C19orf38: variants seen among roughly 807,000 people sequenced by gnomAD.
C19orf38 encodes the protein chromosome 19 open reading frame 38.
C19orf38 carries 14 observed loss-of-function variants against 26.6 expected under a neutral mutation model. The ratio of observed to expected loss-of-function variants is 0.53; its 90% CI spans 0.35 to 0.82. C19orf38 has a LOEUF of 0.82. Ranked by LOEUF, C19orf38 falls within the 40% of genes least tolerant of loss-of-function variation. C19orf38 has a pLI of 0.01. For missense variants in C19orf38, 261 were observed against 299.5 expected, an observed-to-expected ratio of 0.87 and a Z score of 0.95; for synonymous variants, 132 against 128.5, an observed-to-expected ratio of 1.03 and a Z score of -0.18.
Position 10,839,377 on chromosome 19 carries a change from G to A in C19orf38, c.-69+2607G>A, listed in dbSNP as rs182332027. On this transcript the variant is annotated intron_variant, in intron 1 of 7. Coordinates refer to the C19orf38 transcript ENST00000592854. Reference sequence around the variant, plus strand: ...TCTATGTTTGCAGCTTGAGTTTTCAGGCTGCTATTTATTAGAAAAGAAATG... The same window carrying A: ...TCTATGTTTGCAGCTTGAGTTTTCAAGCTGCTATTTATTAGAAAAGAAATG... Among the ~76,000 whole-genome samples the A allele has an allele frequency of 9.8e-5, 15 of 152,298 alleles. No homozygotes were observed. In the East Asian group the frequency reaches 2.9e-3, roughly 29 times the overall value.
intron 5 of C19orf38, among the ~76,000 whole-genome samples, chr19:10,862,410 G>A (rs1034993039): frequency 2.0e-5 from 3 of 151,846 alleles, no homozygotes; most frequent in African/African-American, 7.3e-5. Flanking sequence ...AAATTATGTT[G>A]CCCAGGCTGG....
rs575168918 is a variant in C19orf38, at chr19:10,865,271, C to T, written c.543+2064C>T. Among the ~76,000 whole-genome samples the T allele has an allele frequency of 7.9e-5, 12 of 152,178 alleles. No individual in the cohort carries two copies. In the East Asian group the frequency reaches 1.8e-3, roughly 22 times the overall value. ...AAGCGATTCTCCTGCCTCAGCTTCC[C>T]GAGTAGCTGGGATTACAGGCGCCTG... On this transcript the variant is annotated intron_variant, in intron 6 of 6. Transcript: ENST00000397820.
At chr19:10,851,727 G>A (rs1431296945) in intron 2 of C19orf38, among the ~76,000 whole-genome samples, 2 of 151,928 alleles carry the variant, frequency 1.3e-5, no homozygotes, top group Non-Finnish European at 1.5e-5. Context: ...CCAGCACTTT[G>A]GGAGGCCGAG....
rs1313644922 is a variant in C19orf38, at chr19:10,856,345, G to C, written c.421G>C (p.Val141Leu). ...LLAGLVAVALVVRKVKLRNLQ... is the reference protein window; with the variant it reads ...LLAGLVAVALLVRKVKLRNLQ... ...TGCTGGGCTGGTGGCTGTTGCCCTGGTGGTCAGAAAAGGTAACAGCACGCA... is the reference window on the plus strand; with the variant it reads ...TGCTGGGCTGGTGGCTGTTGCCCTGCTGGTCAGAAAAGGTAACAGCACGCA... Residue 141 changes from valine (V) to leucine (L), a missense_variant, in exon 3 of 7, where the codon GTG becomes CTG. Val to Leu is a conservative substitution (Grantham distance 32). Coordinates refer to ENST00000397820, the MANE Select transcript of C19orf38 (RefSeq NM_001136482.3). 1.3e-6 allele frequency: 2 copies of C among 1,551,116 alleles called. No individual in the cohort carries two copies. Among genetic ancestry groups the C allele is most frequent in the Admixed American group, 3.9e-5 (2 of 50,978 alleles).
intron 3 of C19orf38, among the ~76,000 whole-genome samples, chr19:10,857,893 A>AG (rs2073646038): frequency 3.6e-5 from 4 of 109,708 alleles, no homozygotes; most frequent in South Asian, 3.1e-4. Flanking sequence ...AAAACAACAA[A>AG]AAAAGAAAGA....
chr19:10,853,970 T>C (rs1023972695), intron 2 of C19orf38, among the ~76,000 whole-genome samples: 2 of 151,204 alleles, frequency 1.3e-5, no homozygotes, highest in African/African-American at 4.9e-5. Flanking sequence ...GGTGGATCAC[T>C]TAAGCCGGGG....
intron 5 of C19orf38, among the ~76,000 whole-genome samples, chr19:10,861,644 C>G (rs991414790): frequency 1.3e-5 from 2 of 152,018 alleles, no homozygotes; most frequent in African/African-American, 2.4e-5. Flanking sequence ...GTGGCACGAT[C>G]TCAGCTTACT....
chr19:10,842,070 T>C (rs1316684627), intron 1 of C19orf38: 11 of 1,601,308 alleles, frequency 6.9e-6, no homozygotes, highest in South Asian at 6.6e-5. Context: ...AGTGGAATTA[T>C]TGGACAGTAT....
chr19:10,861,738 C>T (rs868599565), intron 5 of C19orf38, among the ~76,000 whole-genome samples: 1 of 151,888 alleles, frequency 6.6e-6, no homozygotes, highest in Non-Finnish European at 1.5e-5. Context: ...CCACCATGCC[C>T]GGCTAATTTT....
At chr19:10,862,552 G>A (rs1056849412) in intron 5 of C19orf38, among the ~76,000 whole-genome samples, 3 of 152,024 alleles carry the variant, frequency 2.0e-5, no homozygotes, top group African/African-American at 4.8e-5. Flanking sequence ...AATGGAGGCC[G>A]GGTGTGGTGG....
upstream of C19orf38, among the ~76,000 whole-genome samples, chr19:10,845,122 A>C (rs1344994698): frequency 6.6e-6 from 1 of 151,362 alleles, no homozygotes; most frequent in East Asian, 1.9e-4. Context: ...ATACCACTGC[A>C]CTCCAGCAGC....
At chr19:10,850,746 C>G (rs1027102532) in intron 2 of C19orf38, among the ~76,000 whole-genome samples, 179 bp downstream of exon 2, 1 of 152,182 alleles carries the variant, frequency 6.6e-6, no homozygotes, top group Admixed American at 6.6e-5. Flanking sequence ...TGTTGGTTCA[C>G]TGAGCTTAAG....
chr19:10,862,665 A>G (rs960734384), intron 5 of C19orf38, among the ~76,000 whole-genome samples: 5 of 152,054 alleles, frequency 3.3e-5, no homozygotes, highest in Admixed American at 3.3e-4. Context: ...CCCTATCTCT[A>G]CTAAGAATAT....
intron 6 of C19orf38, among the ~76,000 whole-genome samples, chr19:10,868,450 C>G (rs566308282): frequency 6.6e-6 from 1 of 152,238 alleles, no homozygotes; most frequent in East Asian, 1.9e-4. Flanking sequence ...AGGAGGTAGA[C>G]TTTTGAGGAA....
At chr19:10,855,799 A>T (rs2073619323) in intron 2 of C19orf38, among the ~76,000 whole-genome samples, 1 of 152,136 alleles carries the variant, frequency 6.6e-6, no homozygotes, top group South Asian at 2.1e-4. Context: ...AAGTGTGGGG[A>T]TTACAGGCGT....
intron 3 of C19orf38, among the ~76,000 whole-genome samples, chr19:10,856,736 T>G (rs750561470): frequency 6.6e-6 from 1 of 151,990 alleles, no homozygotes; most frequent in Non-Finnish European, 1.5e-5. Flanking sequence ...ACTCCTGACC[T>G]CAGGTGATCC....
intron 1 of C19orf38, 71 bp downstream of exon 1, chr19:10,848,610 G>A (rs1485290386): frequency 6.8e-7 from 1 of 1,478,240 alleles, no homozygotes; most frequent in Non-Finnish European, 9.2e-7. Context: ...TGCCGCTCCA[G>A]GGGCAGAAAC....
chr19:10,858,414 AC>A, intron 4 of C19orf38, 71 bp downstream of exon 4: 2 of 1,402,346 alleles, frequency 1.4e-6, no homozygotes, highest in Non-Finnish European at 2.0e-6. Flanking sequence ...CAGGGTGGGC[AC>A]TCCATGCCCC....
At chr19:10,851,944 C>T (rs1469780801) in intron 2 of C19orf38, among the ~76,000 whole-genome samples, 9 of 144,626 alleles carry the variant, frequency 6.2e-5, no homozygotes, top group Non-Finnish European at 1.3e-4. Context: ...GTCCGCAGTC[C>T]GGCCTGGGCG....
Sources: allele counts gnomAD v4.1 joint callset (sites outside exome capture counted in the v4.1 genomes callset), GRCh38; gene constraint gnomAD v4.1.1; transcripts MANE v1.5; gene names NCBI Gene and HGNC (gene_info 2026-07-23, HGNC 2026-07-21).